Variants in HDAC4 observed in about 807,000 individuals in gnomAD.
HDAC4 encodes the protein histone deacetylase A.
Under a neutral mutation model 135.1 loss-of-function variants are expected in HDAC4, and 16 were observed. The ratio of observed to expected loss-of-function variants is 0.12; its 90% CI spans 0.08 to 0.18. The LOEUF is 0.18. Among genes scored for constraint, HDAC4 ranks in the 10% least tolerant of loss-of-function variants. HDAC4 has a pLI of 1.00. For synonymous variants in HDAC4, 685 were observed against 653.4 expected, an observed-to-expected ratio of 1.05 and a Z score of -0.74; for missense variants, 1,143 against 1,511.8, an observed-to-expected ratio of 0.76 and a Z score of 4.05.
At chr2:239,302,576 T>C (rs1247999921) in intron 2 of HDAC4, among the ~76,000 whole-genome samples, 1 of 152,212 alleles carries the variant, frequency 6.6e-6, no homozygotes, top group East Asian at 1.9e-4. Context: ...CAGCGGGCGC[T>C]GCCCCTCTTC....
intron 1 of HDAC4, among the ~76,000 whole-genome samples, chr2:239,354,117 C>T (rs982934726): frequency 3.3e-5 from 5 of 152,150 alleles, no homozygotes; most frequent in Admixed American, 6.5e-5. Context: ...GCTTCCTTGC[C>T]GTTGTTTTTC....
In HDAC4 at chr2:239,126,615, G is replaced by A. The variant is rs759484880; in HGVS notation, c.1374C>T (p.Ile458=). ...LVGADRVSPS[I]HKLRQHRPLG... The stretch of plus-strand genomic sequence containing the variant: ...GTGGGCGGTGCTGCCGCAGCTTGTG[G>A]ATGGAGGGGGACACCCGGTCTGCAC... The change falls in exon 12 of 27, where the codon ATC becomes ATT. Residue 458 remains isoleucine, a synonymous_variant. Transcript: ENST00000543185. 6.2e-7 allele frequency: 1 copy of A among 1,614,018 alleles called. No homozygotes were observed. The highest frequency in any genetic ancestry group is 1.1e-5 in the South Asian group (1 of 91,084).
rs1313504370 is a variant in HDAC4 at position 239,095,161 on chromosome 2, T to C, written c.2234-105A>G. On this transcript the variant is annotated intron_variant, in intron 16 of 26. Transcript: ENST00000543185. ...GTCTTCAGTGGCACTTGGGCATTTG[T>C]GGGACAACGAGGGGCCACTGCTCCC... 5 of 1,229,278 alleles carry C rather than the reference T, an allele frequency of 4.1e-6. No homozygotes were observed. In the East Asian group the frequency reaches 7.0e-5, roughly 17 times the overall value. 76.1% of individuals were successfully genotyped at this position (1,229,278 alleles called of 1,614,324 possible). A position where few individuals can be genotyped will look rare whatever the true frequency, so the allele number is the denominator to read the frequency against.
In HDAC4 at chr2:239,115,145, G is replaced by T. The variant is rs2152809567; in HGVS notation, c.1699C>A (p.Pro567Thr). The stretch of plus-strand genomic sequence containing the variant: ...GCCTCTTCCTCATCGCTCTCAATGG[G>T]CTCCTGCTTCACCTGCACGCCGGCC... ...AQAGVQVKQE[P>T]IESDEEEAEP... Residue 567 changes from proline to threonine, a missense_variant, in exon 13 of 27, where the codon CCC becomes ACC. This residue lies in a region of HDAC4 where 196 missense variants were observed against 210.7 expected (regional missense o/e 0.93). Coordinates refer to ENST00000543185, the MANE Select transcript of HDAC4 (RefSeq NM_001378414.1). The surrounding 1 kb of genome is among the most constrained non-coding windows in gnomAD (Gnocchi z 6.3). The T allele has an allele frequency of 6.2e-7, 1 of 1,611,674 alleles. No individual in the cohort carries two copies. The highest frequency in any genetic ancestry group is 2.2e-5 in the East Asian group (1 of 44,880).
chr2:239,104,194 T>C (rs963366589), intron 15 of HDAC4, among the ~76,000 whole-genome samples: 3 of 152,140 alleles, frequency 2.0e-5, no homozygotes, highest in Non-Finnish European at 2.9e-5. Flanking sequence ...CAGGGTGCAG[T>C]TGGGGCCCTG....
At chr2:239,204,161 T>C (rs559562963) in intron 3 of HDAC4, among the ~76,000 whole-genome samples, 1 of 152,318 alleles carries the variant, frequency 6.6e-6, no homozygotes, top group East Asian at 1.9e-4. Context: ...CCTGGCGGCT[T>C]CTGTGAACCT....
In HDAC4 at chr2:239,139,304, C is replaced by T. The variant is rs900288937; in HGVS notation, c.978+380G>A. ...ACGTGCCCACGGCCTCTCAGCCACC[C>T]TCAGAGCACTGGCGACCACAGCGAG... is the stretch of plus-strand genomic sequence containing the variant. On this transcript the variant is annotated intron_variant, in intron 9 of 26. Transcript: ENST00000543185. The surrounding 1 kb of genome is among the most constrained non-coding windows in gnomAD (Gnocchi z 5.3). Among the ~76,000 whole-genome samples, 1 of 152,186 alleles carries T rather than the reference C, an allele frequency of 6.6e-6. No homozygotes were observed. Among genetic ancestry groups the T allele is most frequent in the African/African-American group, 2.4e-5 (1 of 41,434 alleles).
At chr2:239,187,422 G>A (rs561090206) in intron 4 of HDAC4, among the ~76,000 whole-genome samples, 1 of 152,368 alleles carries the variant, frequency 6.6e-6, no homozygotes, top group African/African-American at 2.4e-5. Flanking sequence ...GTGGCCTCTT[G>A]AGGGCTGCTC....
chr2:239,139,705 G>T lies in HDAC4; in HGVS notation c.957C>A (p.Ala319=), dbSNP rs142131540. The T allele has an allele frequency of 3.1e-6, 5 of 1,613,932 alleles. No homozygotes were observed. The highest frequency in any genetic ancestry group is 4.2e-6 in the Non-Finnish European group (5 of 1,179,952). ...TGACCTCCGCCGGGATGCTGGGGAC[G>T]GCGGGCGCGATACCGTTCTCCGCGC... The part of the protein sequence containing the change: ...SVSAENGIAP[A]VPSIPAETSL... The change falls in exon 9 of 27, where the codon GCC becomes GCA. Residue 319 remains alanine, a synonymous_variant. Coordinates refer to ENST00000543185, the MANE Select transcript of HDAC4 (RefSeq NM_001378414.1). This position sits in a 1 kb window ranked among gnomAD's most constrained non-coding sequence, Gnocchi z 5.3.
chr2:239,282,595 A>G (rs1405418344), intron 2 of HDAC4, among the ~76,000 whole-genome samples: 1 of 150,366 alleles, frequency 6.7e-6, no homozygotes, highest in Non-Finnish European at 1.5e-5. Flanking sequence ...CAATGTACAC[A>G]CCACTCTGCA....
At chr2:239,076,670 C>T (rs1176528577) in intron 22 of HDAC4, among the ~76,000 whole-genome samples, 3 of 152,182 alleles carry the variant, frequency 2.0e-5, no homozygotes, top group Admixed American at 2.0e-4. Context: ...GAGTTTCTGG[C>T]TGCCGTTCTG....
rs2041370149 is a variant in HDAC4, at chr2:239,141,432, C to T, written c.866-1636G>A. Among the ~76,000 whole-genome samples the T allele has an allele frequency of 2.0e-5, 3 of 152,262 alleles. No individual in the cohort carries two copies. Among genetic ancestry groups the T allele is most frequent in the East Asian group, 1.9e-4 (1 of 5,180 alleles). On this transcript the variant is annotated intron_variant, in intron 8 of 26. Coordinates refer to ENST00000543185, the MANE Select transcript of HDAC4 (RefSeq NM_001378414.1). This position sits in a 1 kb window ranked among gnomAD's most constrained non-coding sequence, Gnocchi z 4.9. ...TACCCCATCCTCTTTCTTTCCCTGG[C>T]CCTCTCACCCTCTCACTTCCACCAG...
At chr2:239,389,915 G>T (rs1242601634) in intron 1 of HDAC4, among the ~76,000 whole-genome samples, 1 of 152,214 alleles carries the variant, frequency 6.6e-6, no homozygotes, top group Non-Finnish European at 1.5e-5. Flanking sequence ...TCAATACGTG[G>T]CTGGAGCCAG....
At chr2:239,166,890 T>C (rs2043150616) in intron 5 of HDAC4, among the ~76,000 whole-genome samples, 1 of 152,188 alleles carries the variant, frequency 6.6e-6, no homozygotes. Flanking sequence ...ATAAAAGAAA[T>C]AAGAAGTGAA....
intron 4 of HDAC4, among the ~76,000 whole-genome samples, chr2:239,179,755 G>A (rs568540793): frequency 1.4e-3 from 211 of 152,342 alleles, no homozygotes; most frequent in African/African-American, 4.5e-3. Flanking sequence ...GACAGAGTAG[G>A]GCCAGCAGGG....
chr2:239,331,059 G>A lies in HDAC4; in HGVS notation c.22+21619C>T, dbSNP rs1691538007. Among the ~76,000 whole-genome samples, 1 of 152,132 alleles carries A rather than the reference G, an allele frequency of 6.6e-6. No homozygotes were observed. Among genetic ancestry groups the A allele is most frequent in the African/African-American group, 2.4e-5 (1 of 41,390 alleles). Reference sequence around the variant, plus strand: ...GCCCGAAATTCGGAGTGGGGAGGAAGGCAGATATGCCTGAATACAGCCCAG... The same window carrying A: ...GCCCGAAATTCGGAGTGGGGAGGAAAGCAGATATGCCTGAATACAGCCCAG... On this transcript the variant is annotated intron_variant, in intron 2 of 26. Transcript: ENST00000543185. This position sits in a 1 kb window ranked among gnomAD's most constrained non-coding sequence, Gnocchi z 4.5.
At chr2:239,182,480 A>C (rs1403265120) in intron 4 of HDAC4, among the ~76,000 whole-genome samples, 1 of 152,234 alleles carries the variant, frequency 6.6e-6, no homozygotes, top group Non-Finnish European at 1.5e-5. Flanking sequence ...GCTGGGGATT[A>C]AAATTCACAG....
intron 24 of HDAC4, among the ~76,000 whole-genome samples, chr2:239,061,444 CTG>C (rs753004409): frequency 2.8e-5 from 4 of 144,458 alleles, no homozygotes; most frequent in Admixed American, 6.9e-5. Flanking sequence ...TGACTGGTGC[CTG>C]TGTGGGTGTG....
At chr2:239,098,104 A>G (rs975129478) in intron 16 of HDAC4, among the ~76,000 whole-genome samples, 3 of 152,242 alleles carry the variant, frequency 2.0e-5, no homozygotes, top group Non-Finnish European at 4.4e-5. Flanking sequence ...GAGTTTGCTC[A>G]TTATCTAGCA....
Sources: allele counts gnomAD v4.1 joint callset (sites outside exome capture counted in the v4.1 genomes callset), GRCh38; gene constraint gnomAD v4.1.1; regional missense constraint gnomAD v4.1.1; non-coding constraint Gnocchi (gnomAD v3.1); transcripts MANE v1.5; gene names NCBI Gene and HGNC (gene_info 2026-07-23, HGNC 2026-07-21).